EHMT1: variants seen among roughly 807,000 people sequenced by gnomAD.
EHMT1 encodes histone-lysine N-methyltransferase EHMT1.
Under a neutral mutation model 147.2 loss-of-function variants are expected in EHMT1, and 15 were observed. The observed-to-expected ratio is 0.10, with a 90% CI of 0.07 to 0.16. The LOEUF (loss-of-function observed/expected upper bound fraction) is 0.16. Ranked by LOEUF, EHMT1 falls within the 10% of genes least tolerant of loss-of-function variation. The pLI is 1.00. For missense variants in EHMT1, 1,587 were observed against 1,772.4 expected (o/e 0.90, Z 1.88); for synonymous variants, 795 against 709.6 (o/e 1.12, Z -1.91).
Position 137,835,234 on chromosome 9 carries a change from C to T in EHMT1, c.*281C>T, listed in dbSNP as rs2133166934. 1 of 341,528 alleles carries T rather than the reference C, an allele frequency of 2.9e-6. No individual in the cohort carries two copies. The highest frequency in any genetic ancestry group is 5.2e-6 in the Non-Finnish European group (1 of 191,208). 21.2% of individuals were successfully genotyped at this position (341,528 alleles called of 1,614,324 possible). On this transcript the variant is annotated 3_prime_UTR_variant, in exon 27 of 27. Transcript: ENST00000460843. ...CGCTGGGAGTCCGCACTGGCATCAC[C>T]TTCTGAGTTTCTGATGCTGATTTGT...
intron 7 of EHMT1, 149 bp downstream of exon 7, chr9:137,752,557 T>C: frequency 1.1e-6 from 1 of 920,138 alleles, no homozygotes; most frequent in Non-Finnish European, 1.7e-6. Flanking sequence ...CACAGATGGG[T>C]CCTGTCCCTG....
In EHMT1 at chr9:137,811,376, A is replaced by G. The variant is rs1036690376; in HGVS notation, c.2713-85A>G. 2.5e-6 allele frequency: 4 copies of G among 1,589,546 alleles called. No individual in the cohort carries two copies. The Admixed American group carries it at 6.7e-5, about 27-fold the overall frequency. On this transcript the variant is annotated intron_variant, in intron 18 of 26. Coordinates refer to ENST00000460843, the MANE Select transcript of EHMT1 (RefSeq NM_024757.5). ...CATGCTCCAGAGCCTCTCCCCGGGC[A>G]CATGGGCTGCAGCTGCTGTGGCCCA...
chr9:137,817,585 GTGTC>G (rs1564818855), intron 24 of EHMT1, 60 bp downstream of exon 24: 1 of 1,602,178 alleles, frequency 6.2e-7, no homozygotes, highest in Non-Finnish European at 8.5e-7. Flanking sequence ...AGGCCCATCT[GTGTC>G]TGTACTTCAG....
chr9:137,746,716 C>T (rs1948569107), intron 6 of EHMT1: 1 of 152,180 alleles, frequency 6.6e-6, no homozygotes. Context: ...CAGGGCTTCC[C>T]TTAAAATGCT....
At chr9:137,724,105 C>CTG (rs560820938) in intron 3 of EHMT1, among the ~76,000 whole-genome samples, 3 of 152,232 alleles carry the variant, frequency 2.0e-5, no homozygotes, top group African/African-American at 7.2e-5. Context: ...GTTTTTCTCT[C>CTG]TGTGTGTGTG....
chr9:137,666,296 AT>A (rs1939641137), intron 1 of EHMT1, among the ~76,000 whole-genome samples: 1 of 152,220 alleles, frequency 6.6e-6, no homozygotes, highest in South Asian at 2.1e-4. Context: ...CCCGTTCCAC[AT>A]TTGCTGGTAG....
chr9:137,774,672 G>A (rs1231032152), intron 10 of EHMT1, among the ~76,000 whole-genome samples: 4 of 138,642 alleles, frequency 2.9e-5, no homozygotes, highest in Non-Finnish European at 4.6e-5. Flanking sequence ...GTCGCGCCTG[G>A]CCCCCTGGAT....
At chr9:137,638,601 C>T (rs1438669672) in intron 1 of EHMT1, among the ~76,000 whole-genome samples, 2 of 152,106 alleles carry the variant, frequency 1.3e-5, no homozygotes, top group Non-Finnish European at 2.9e-5. Context: ...AATTGCATTC[C>T]CCTAAAAAAT....
At chr9:137,743,335 T>G (rs1475116444) in intron 4 of EHMT1, 36 bp from the exon 5 acceptor site, 1 of 1,558,648 alleles carries the variant, frequency 6.4e-7, no homozygotes, top group Non-Finnish European at 8.6e-7. Context: ...TTCTTTTCCT[T>G]TCTTGTCCCC....
intron 17 of EHMT1, among the ~76,000 whole-genome samples, chr9:137,799,810 C>T (rs1564786452): frequency 6.6e-6 from 1 of 152,252 alleles, no homozygotes. Flanking sequence ...CTCAAAGGCC[C>T]ATACTCTCGC....
At chr9:137,721,601 C>T (rs1018774592) in intron 3 of EHMT1, among the ~76,000 whole-genome samples, 1 of 144,038 alleles carries the variant, frequency 6.9e-6, no homozygotes, top group African/African-American at 2.6e-5. Flanking sequence ...TCACCGTCAC[C>T]CTCTCCTACA....
chr9:137,802,285 G>A (rs1328733983), intron 18 of EHMT1: 1 of 398,500 alleles, frequency 2.5e-6, no homozygotes, highest in Non-Finnish European at 4.4e-6. Context: ...CACCGTCACA[G>A]AGGGTTCAGA....
chr9:137,779,302 G>A (rs1019128305), intron 13 of EHMT1, among the ~76,000 whole-genome samples: 15 of 152,256 alleles, frequency 9.9e-5, no homozygotes, highest in East Asian at 9.6e-4. Context: ...TGTGCTGAGC[G>A]TAGATGAGGT....
At position 137,787,664 on chromosome 9, in the gene EHMT1, C is replaced by T. The variant is rs947762469; in HGVS notation, c.2383-3184C>T. ...GGGAGGAGGGGCCTGTCTTAAGAGC[C>T]TCACAGGCTGCACCGGGAGAGCAGC... On this transcript the variant is annotated intron_variant, in intron 15 of 26. Coordinates refer to ENST00000460843, the MANE Select transcript of EHMT1 (RefSeq NM_024757.5). This position sits in a 1 kb window ranked among gnomAD's most constrained non-coding sequence, Gnocchi z 4.2. 5 of 628,532 alleles carry T rather than the reference C, an allele frequency of 8.0e-6. No homozygotes were observed. In the Admixed American group the frequency reaches 1.1e-4, roughly 13 times the overall value. 38.9% of individuals were successfully genotyped at this position (628,532 alleles called of 1,614,324 possible). A position where few individuals can be genotyped will look rare whatever the true frequency, so the allele number is the denominator to read the frequency against.
intron 1 of EHMT1, among the ~76,000 whole-genome samples, chr9:137,648,329 G>A (rs1845055255): frequency 6.6e-6 from 1 of 152,082 alleles, no homozygotes; most frequent in African/African-American, 2.4e-5. Context: ...GTGAAATTCA[G>A]TAAAGGAACT....
Position 137,816,160 on chromosome 9 carries a change from A to G in EHMT1, c.3374+98A>G, listed in dbSNP as rs1000696241. The G allele has an allele frequency of 5.9e-5, 61 of 1,035,918 alleles. 1 individual carries two copies. The highest frequency in any genetic ancestry group is 5.4e-4 in the Admixed American group (27 of 50,330). 64.2% of individuals were successfully genotyped at this position (1,035,918 alleles called of 1,614,324 possible). A position where few individuals can be genotyped will look rare whatever the true frequency, so the allele number is the denominator to read the frequency against. On this transcript the variant is annotated intron_variant, in intron 23 of 26. Transcript: ENST00000460843. ...ACAGACAAGAACTTAACGTGTTTGG[A>G]TGCACGCACATGTGTGTTTGCAGAT...
Position 137,787,881 on chromosome 9 carries a change from A to C in EHMT1, c.2383-2967A>C, listed in dbSNP as rs1368258395. 1 of 1,296,842 alleles carries C rather than the reference A, an allele frequency of 7.7e-7. No homozygotes were observed. Among genetic ancestry groups the C allele is most frequent in the Admixed American group, 1.7e-5 (1 of 59,288 alleles). The allele number at this position is 1,296,842 out of a possible 1,614,324, so 80.3% of individuals were successfully genotyped here. A position where few individuals can be genotyped will look rare whatever the true frequency, so the allele number is the denominator to read the frequency against. ...GGGATAGGAGGTGGGTGGGGGTGCC[A>C]AGGGCATTACCACATTGGGAGTGTA... On this transcript the variant is annotated intron_variant, in intron 15 of 26. Coordinates refer to ENST00000460843, the MANE Select transcript of EHMT1 (RefSeq NM_024757.5). This position sits in a 1 kb window ranked among gnomAD's most constrained non-coding sequence, Gnocchi z 4.2.
At chr9:137,817,954 C>G in intron 24 of EHMT1, 106 bp from the exon 25 acceptor site, 1 of 1,065,470 alleles carries the variant, frequency 9.4e-7, no homozygotes, top group Non-Finnish European at 1.5e-6. Flanking sequence ...GCATGTTCTT[C>G]TGGTGTGCCC....
At chr9:137,678,076 A>G (rs113838906) in intron 1 of EHMT1, among the ~76,000 whole-genome samples, 10,801 of 149,950 alleles carry the variant, frequency 0.072, 510 homozygotes, top group Middle Eastern at 0.2. Flanking sequence ...CTCAAAAATA[A>G]TAATAATAAT....
Sources: gnomAD v4.1 joint callset for allele counts (sites outside exome capture counted in the v4.1 genomes callset) on GRCh38, gnomAD v4.1.1 for gene constraint, Gnocchi (gnomAD v3.1) non-coding constraint, MANE v1.5 for transcripts, NCBI Gene and HGNC (gene_info 2026-07-23, HGNC 2026-07-21) for gene names.